The following SMG6 variants were observed in gnomAD, a reference collection of about 807,000 sequenced individuals.
SMG6 encodes the protein telomerase-binding protein EST1A.
Under a neutral mutation model 142.2 loss-of-function variants are expected in SMG6, and 66 were observed. That is an observed-to-expected ratio of 0.46 (90% CI 0.38 to 0.57). The LOEUF (loss-of-function observed/expected upper bound fraction) is 0.57. SMG6 is among the 20% of genes least tolerant of loss of function. The pLI, the probability that SMG6 is intolerant of heterozygous loss-of-function variation, is 0.00. For missense variants in SMG6, 1,793 were observed against 1,832.0 expected, an observed-to-expected ratio of 0.98 and a Z score of 0.39; for synonymous variants, 779 against 702.4, an observed-to-expected ratio of 1.11 and a Z score of -1.72.
At chr17:2,258,038 TACACACACACACACACACACACACACAC>T (rs869173398) in intron 8 of SMG6, among the ~76,000 whole-genome samples, 5 of 89,240 alleles carry the variant, frequency 5.6e-5, no homozygotes, top group South Asian at 3.4e-4. Context: ...AAAAAAAATA[TACACACACACACACACACACACACACAC>T]ATATATATAC....
chr17:2,076,450 AG>A (rs2151417945), intron 15 of SMG6, among the ~76,000 whole-genome samples: 1 of 152,272 alleles, frequency 6.6e-6, no homozygotes, highest in East Asian at 1.9e-4. Flanking sequence ...AAACAAAAAG[AG>A]GAAAAATGAG....
chr17:2,070,701 C>T (rs961310069), intron 15 of SMG6, among the ~76,000 whole-genome samples: 5 of 152,232 alleles, frequency 3.3e-5, no homozygotes, highest in African/African-American at 4.8e-5. Context: ...GGCTACAGAA[C>T]GCTGGCAGGC....
intron 13 of SMG6, among the ~76,000 whole-genome samples, chr17:2,165,408 C>T (rs2071306429): frequency 6.6e-6 from 1 of 152,226 alleles, no homozygotes; most frequent in African/African-American, 2.4e-5. Context: ...GGTCCCCTTC[C>T]CACTCCCTTG....
chr17:2,244,852 C>A, intron 8 of SMG6, 133 bp from the exon 9 acceptor site: 1 of 703,104 alleles, frequency 1.4e-6, no homozygotes. Flanking sequence ...ACCAAATGGA[C>A]ATGCCCAAAC....
At chr17:2,255,738 GA>G in intron 8 of SMG6, 1 of 195,196 alleles carries the variant, frequency 5.1e-6, no homozygotes, top group Non-Finnish European at 1.0e-5. Flanking sequence ...TTGTGGAATA[GA>G]AAGGGGGGAA....
chr17:2,291,653 C>CCTAAGCCAG (rs2075040002), intron 6 of SMG6, among the ~76,000 whole-genome samples: 1 of 102,802 alleles, frequency 9.7e-6, no homozygotes, highest in Admixed American at 1.0e-4. Context: ...TGGAGGATCA[C>CCTAAGCCAG]TTCGGCCCAG....
intron 10 of SMG6, among the ~76,000 whole-genome samples, chr17:2,209,997 C>T (rs148777389): frequency 6.6e-6 from 1 of 152,220 alleles, no homozygotes; most frequent in African/African-American, 2.4e-5. Flanking sequence ...GGCACTTCCC[C>T]CAAATCACCG....
At chr17:2,100,403 C>T (rs1169914817) in intron 13 of SMG6, among the ~76,000 whole-genome samples, 1 of 152,112 alleles carries the variant, frequency 6.6e-6, no homozygotes, top group African/African-American at 2.4e-5. Flanking sequence ...GAACTCCTGG[C>T]CTCAAGTGAT....
At chr17:2,258,876 A>C (rs2074252554) in intron 8 of SMG6, among the ~76,000 whole-genome samples, 1 of 151,968 alleles carries the variant, frequency 6.6e-6, no homozygotes, top group Non-Finnish European at 1.5e-5. Context: ...TCAGGAGTTC[A>C]AGACCAGCCT....
intron 8 of SMG6, among the ~76,000 whole-genome samples, chr17:2,280,124 A>G (rs969684503): frequency 3.3e-5 from 5 of 152,188 alleles, no homozygotes; most frequent in Non-Finnish European, 5.9e-5. Context: ...CAAGGAACAG[A>G]GAAAGCAAGC....
intron 15 of SMG6, among the ~76,000 whole-genome samples, chr17:2,079,616 A>C (rs2151423662): frequency 6.6e-6 from 1 of 152,044 alleles, no homozygotes; most frequent in East Asian, 1.9e-4. Flanking sequence ...CATCTCAAAA[A>C]AAAAAAAGTA....
chr17:2,186,886 G>C, intron 11 of SMG6, 55 bp from the exon 12 acceptor site: 1 of 1,577,292 alleles, frequency 6.3e-7, no homozygotes, highest in Non-Finnish European at 8.6e-7. Flanking sequence ...CCCCGAGTGA[G>C]GCCTGGGGCG....
intron 8 of SMG6, among the ~76,000 whole-genome samples, chr17:2,259,962 T>TGGCTACCTTGTGCGAGCTTC: frequency 1.3e-5 from 2 of 152,180 alleles, no homozygotes; most frequent in East Asian, 3.9e-4. Context: ...CAGGGAGCTT[T>TGGCTACCTTGTGCGAGCTTC]GGCTACCTTG....
intron 8 of SMG6, among the ~76,000 whole-genome samples, chr17:2,267,377 A>G (rs530153516): frequency 6.6e-5 from 10 of 151,420 alleles, no homozygotes; most frequent in African/African-American, 2.4e-4. Context: ...TTTTTTTAGT[A>G]GAGACAGGGT....
chr17:2,192,141 C>A (rs766338749), intron 10 of SMG6, among the ~76,000 whole-genome samples: 1 of 152,212 alleles, frequency 6.6e-6, no homozygotes, highest in African/African-American at 2.4e-5. Context: ...GCAGGAGGGG[C>A]GGAGAGGGAA....
intron 13 of SMG6, among the ~76,000 whole-genome samples, chr17:2,140,085 C>T (rs1047110968): frequency 6.7e-6 from 1 of 148,556 alleles, no homozygotes; most frequent in African/African-American, 2.5e-5. Flanking sequence ...ATTTTTGAGA[C>T]AGGGTCTCAC....
rs2068000931 is a variant in SMG6 at position 2,068,116 on chromosome 17, C to T, written c.3835+662G>A. ...AGAACTAAGGGTACCCAGACGGTCC[C>T]GTGGAGACGGCCCAGCTGGGCCTCT... is the stretch of plus-strand genomic sequence containing the variant. On this transcript the variant is annotated intron_variant, in intron 16 of 18. Coordinates refer to ENST00000263073, the MANE Select transcript of SMG6 (RefSeq NM_017575.5). The surrounding 1 kb of genome is among the most constrained non-coding windows in gnomAD (Gnocchi z 6.7). Among the ~76,000 whole-genome samples the T allele has an allele frequency of 6.6e-6, 1 of 152,126 alleles. No homozygotes were observed. Among genetic ancestry groups the T allele is most frequent in the African/African-American group, 2.4e-5 (1 of 41,414 alleles).
intron 10 of SMG6, among the ~76,000 whole-genome samples, chr17:2,211,299 C>G (rs1051690518): frequency 2.6e-5 from 4 of 151,914 alleles, no homozygotes; most frequent in Admixed American, 1.3e-4. Flanking sequence ...TTAACAATAG[C>G]AACATCATTA....
intron 10 of SMG6, among the ~76,000 whole-genome samples, chr17:2,194,820 C>T (rs565974967): frequency 2.0e-5 from 3 of 152,120 alleles, no homozygotes; most frequent in African/African-American, 7.2e-5. Context: ...CGTGTATTCT[C>T]GGCAGGTTCC....
Sources: allele counts gnomAD v4.1 joint callset (sites outside exome capture counted in the v4.1 genomes callset), GRCh38; gene constraint gnomAD v4.1.1; non-coding constraint Gnocchi (gnomAD v3.1); transcripts MANE v1.5; gene names NCBI Gene and HGNC (gene_info 2026-07-23, HGNC 2026-07-21).